Variants in RNF216 observed in about 807,000 individuals in gnomAD.
The protein encoded by RNF216 is E3 ubiquitin-protein ligase RNF216.
RNF216 carries 72 observed loss-of-function variants against 110.8 expected under a neutral mutation model. The ratio of observed to expected loss-of-function variants is 0.65; its 90% confidence interval spans 0.54 to 0.79. The LOEUF (loss-of-function observed/expected upper bound fraction) is 0.79, where lower values mean the gene tolerates loss of function less well. RNF216 is among the 30% of genes least tolerant of loss of function. The pLI, the probability that RNF216 is intolerant of heterozygous loss-of-function variation, is 0.00. For missense variants in RNF216, 1,342 were observed against 1,141.2 expected (o/e 1.18, Z -2.54); for synonymous variants, 495 against 407.5 (o/e 1.21, Z -2.59).
At position 5,741,233 on chromosome 7, in the gene RNF216, G is replaced by C. The variant is rs781396306; in HGVS notation, c.784C>G (p.Arg262Gly). Residue 262 changes from arginine (R) to glycine (G), a missense_variant, in exon 4 of 17, where the codon CGC (arginine) becomes GGC (glycine). Transcript: ENST00000389902. Reference sequence around the variant, plus strand: ...GGGAATTCATGCTGAAACAACAAGCGGCCCAGTTCTGCTTCAGGCTGCCGT... The same window carrying C: ...GGGAATTCATGCTGAAACAACAAGCCGCCCAGTTCTGCTTCAGGCTGCCGT... ...QERQPEAELG[R>G]LLFQHEFPGP... 2.5e-6 allele frequency: 4 copies of C among 1,614,110 alleles called. No individual in the cohort carries two copies. The highest frequency in any genetic ancestry group is 1.7e-4 in the Middle Eastern group (1 of 6,060).
At chr7:5,671,182 G>A (rs897833000) in intron 13 of RNF216, among the ~76,000 whole-genome samples, 11 of 152,144 alleles carry the variant, frequency 7.2e-5, no homozygotes, top group African/African-American at 2.7e-4. Flanking sequence ...TGCTCCATGT[G>A]CCCATGTGAA....
At chr7:5,764,417 G>C (rs1796094115) in intron 1 of RNF216, among the ~76,000 whole-genome samples, 1 of 152,072 alleles carries the variant, frequency 6.6e-6, no homozygotes, top group African/African-American at 2.4e-5. Flanking sequence ...GGAGGCTGAG[G>C]AGAGCGGATC....
intron 13 of RNF216, among the ~76,000 whole-genome samples, chr7:5,653,759 G>T (rs959227577): frequency 3.3e-5 from 5 of 152,176 alleles, no homozygotes; most frequent in Admixed American, 1.3e-4. Context: ...AGACAGTGAA[G>T]GCTTGAGGAA....
chr7:5,725,425 G>C lies in RNF216; in HGVS notation c.1403C>G (p.Ala468Gly), dbSNP rs1343624041. The change falls in exon 8 of 17, where the codon GCC (alanine) becomes GGC (glycine). Residue 468 changes from alanine (A) to glycine (G), a missense_variant. Transcript: ENST00000389902. The stretch of plus-strand genomic sequence containing the variant: ...TGACAGCTCCTGCCATTTTTTAATG[G>C]CATCAGACAAGGCCTAAAAATTGAG... ...YAITRKALSD[A>G]IKKWQELSPE... 6.2e-7 allele frequency: 1 copy of C among 1,607,522 alleles called. No homozygotes were observed. Among genetic ancestry groups the C allele is most frequent in the Non-Finnish European group, 8.5e-7 (1 of 1,174,682 alleles).
intron 5 of RNF216, among the ~76,000 whole-genome samples, chr7:5,736,406 T>A (rs1584538813): frequency 1.3e-5 from 2 of 152,062 alleles, no homozygotes; most frequent in South Asian, 2.1e-4. Context: ...GCAGATGGAG[T>A]CTCGTTCACT....
chr7:5,736,488 C>T (rs182445248), intron 5 of RNF216, among the ~76,000 whole-genome samples: 1 of 152,202 alleles, frequency 6.6e-6, no homozygotes, highest in Non-Finnish European at 1.5e-5. Context: ...ACCTCCCAGC[C>T]GCCTGCCTTG....
At position 5,641,386 on chromosome 7, in the gene RNF216, G is replaced by C; in HGVS notation, c.2160-10C>G. On this transcript the variant is annotated splice_polypyrimidine_tract_variant and intron_variant, in intron 14 of 16. Transcript: ENST00000389902. ...AGTCATTTTTTCTTCACTGAAATAAGAAAACATAATTTGGAGCTGGGAGGG... is the reference window on the plus strand; with the variant it reads ...AGTCATTTTTTCTTCACTGAAATAACAAAACATAATTTGGAGCTGGGAGGG... 1 of 1,608,246 alleles carries C rather than the reference G, an allele frequency of 6.2e-7. No individual in the cohort carries two copies. The highest frequency in any genetic ancestry group is 2.2e-5 in the East Asian group (1 of 44,808).
chr7:5,684,041 T>C (rs1002870552), intron 13 of RNF216, among the ~76,000 whole-genome samples: 14 of 150,788 alleles, frequency 9.3e-5, no homozygotes, highest in Non-Finnish European at 1.8e-4. Context: ...GGTCTGGCAG[T>C]ATCAGGTACT....
intron 9 of RNF216, among the ~76,000 whole-genome samples, chr7:5,720,681 C>G (rs558988997): frequency 6.6e-6 from 1 of 152,076 alleles, no homozygotes; most frequent in Non-Finnish European, 1.5e-5. Flanking sequence ...TTGAGAGCCA[C>G]TGGTTTAGAA....
chr7:5,773,289 C>A (rs1305772113), intron 1 of RNF216, among the ~76,000 whole-genome samples: 1 of 151,270 alleles, frequency 6.6e-6, no homozygotes, highest in Non-Finnish European at 1.5e-5. Context: ...GTCACCTGGG[C>A]TGGAGTGCAG....
rs1790350657 is a variant in RNF216, at chr7:5,677,138, T to C, written c.2062-24628A>G. ...GTTTACATAGTGTGGAAAACAGAAG[T>C]GATTTCATTTTCTAATGGCATTAAT... On this transcript the variant is annotated intron_variant, in intron 13 of 16. Coordinates refer to ENST00000389902, the MANE Select transcript of RNF216 (RefSeq NM_207111.4). 2.0e-5 allele frequency among the ~76,000 whole-genome samples: 3 copies of C among 152,342 alleles called. No homozygotes were observed. In the South Asian group the frequency reaches 6.2e-4, roughly 32 times the overall value.
chr7:5,658,439 G>A (rs935180589), intron 13 of RNF216, among the ~76,000 whole-genome samples: 4 of 151,952 alleles, frequency 2.6e-5, no homozygotes, highest in Admixed American at 1.3e-4. Flanking sequence ...GGCAGATCAC[G>A]TAAGCCCAGG....
intron 7 of RNF216, among the ~76,000 whole-genome samples, chr7:5,728,860 C>T (rs1411401404): frequency 3.3e-5 from 5 of 152,216 alleles, no homozygotes; most frequent in Non-Finnish European, 7.4e-5. Flanking sequence ...GTTCTGGCCA[C>T]AGCTACAAAG....
chr7:5,689,872 G>C (rs531361327), intron 13 of RNF216, among the ~76,000 whole-genome samples: 1 of 151,426 alleles, frequency 6.6e-6, no homozygotes, highest in Non-Finnish European at 1.5e-5. Context: ...TCCAGGAGGC[G>C]GGGGGTTGCA....
intron 1 of RNF216, among the ~76,000 whole-genome samples, chr7:5,779,292 T>C (rs993544086): frequency 3.3e-5 from 5 of 152,140 alleles, no homozygotes; most frequent in Admixed American, 6.6e-5. Context: ...TTCTCTTTTA[T>C]TAGCTGCTGC....
chr7:5,708,112 G>C (rs977288380), intron 13 of RNF216, among the ~76,000 whole-genome samples: 7 of 152,136 alleles, frequency 4.6e-5, no homozygotes, highest in African/African-American at 7.2e-5. Context: ...AAGATACTTG[G>C]TATGATTTTG....
chr7:5,778,885 A>C (rs1166045845), intron 1 of RNF216, among the ~76,000 whole-genome samples: 1 of 152,186 alleles, frequency 6.6e-6, no homozygotes, highest in Non-Finnish European at 1.5e-5. Flanking sequence ...CTGGGATTAC[A>C]GGCGCACGCC....
chr7:5,771,101 T>C (rs115277304), intron 1 of RNF216, among the ~76,000 whole-genome samples: 2,093 of 152,174 alleles, frequency 0.014, 45 homozygotes, highest in African/African-American at 0.048. Context: ...CCACCACACC[T>C]GGCCCCAGAT....
chr7:5,724,154 G>T (rs1295758334), intron 8 of RNF216, among the ~76,000 whole-genome samples: 1 of 152,188 alleles, frequency 6.6e-6, no homozygotes, highest in Admixed American at 6.5e-5. Flanking sequence ...CTCATGTGGA[G>T]TATGATGTGC....
Sources: gnomAD v4.1 joint callset for allele counts (sites outside exome capture counted in the v4.1 genomes callset) on GRCh38, gnomAD v4.1.1 for gene constraint, MANE v1.5 for transcripts, NCBI Gene and HGNC (gene_info 2026-07-23, HGNC 2026-07-21) for gene names.